NXN: variants seen among roughly 807,000 people sequenced by gnomAD.
NXN encodes the protein nucleoredoxin, also known as nucleoredoxin 1.
NXN carries 16 observed loss-of-function variants against 48.6 expected under a neutral mutation model. The ratio of observed to expected loss-of-function variants is 0.33; its 90% CI spans 0.22 to 0.50. The LOEUF (loss-of-function observed/expected upper bound fraction) is 0.50, where lower values mean the gene tolerates loss of function less well. NXN is among the 20% of genes least tolerant of loss of function. The probability of loss-of-function intolerance (pLI) is 0.98; values close to 1 mark genes in which losing one functional copy is unlikely to be tolerated. For missense variants in NXN, 492 were observed against 605.5 expected (o/e 0.81, Z 1.97); for synonymous variants, 281 against 269.6 (o/e 1.04, Z -0.41).
At chr17:977,894 G>T (rs1302141023) in intron 1 of NXN, among the ~76,000 whole-genome samples, 1 of 152,142 alleles carries the variant, frequency 6.6e-6, no homozygotes, top group Non-Finnish European at 1.5e-5. Context: ...AACCTAAAAA[G>T]CAGTAAAAAT....
intron 1 of NXN, among the ~76,000 whole-genome samples, chr17:971,509 G>GA: frequency 6.6e-6 from 1 of 151,696 alleles, no homozygotes; most frequent in Non-Finnish European, 1.5e-5. Context: ...AGGAGTTCAA[G>GA]ACCATCCTGG....
At chr17:802,411 G>A (rs994452718) in intron 7 of NXN, among the ~76,000 whole-genome samples, 1 of 152,200 alleles carries the variant, frequency 6.6e-6, no homozygotes, top group South Asian at 2.1e-4. Flanking sequence ...ACAGGACAGC[G>A]ACTACGTTCC....
rs947522991 is a variant in NXN at position 932,232 on chromosome 17, C to T, written c.360+47087G>A. The stretch of plus-strand genomic sequence containing the variant: ...CTAAGGCAAAGCTGATCTGAAGAGT[C>T]TGTCTACCTGCCCAGCTACCAACCC... On this transcript the variant is annotated intron_variant, in intron 1 of 7. Transcript: ENST00000336868. This position sits in a 1 kb window ranked among gnomAD's most constrained non-coding sequence, Gnocchi z 4.1. Among the ~76,000 whole-genome samples, 1 of 152,218 alleles carries T rather than the reference C, an allele frequency of 6.6e-6. No individual in the cohort carries two copies. Among genetic ancestry groups the T allele is most frequent in the Non-Finnish European group, 1.5e-5 (1 of 68,042 alleles).
chr17:804,258 G>C (rs1482556078), intron 6 of NXN, among the ~76,000 whole-genome samples: 1 of 149,030 alleles, frequency 6.7e-6, no homozygotes, highest in Non-Finnish European at 1.5e-5. Flanking sequence ...GGTGAGGACT[G>C]TGGTCTGGTC....
At chr17:948,659 G>A (rs1016306414) in intron 1 of NXN, among the ~76,000 whole-genome samples, 4 of 152,104 alleles carry the variant, frequency 2.6e-5, no homozygotes, top group South Asian at 2.1e-4. Flanking sequence ...CGGAACAAAC[G>A]CTTGAGGCAA....
chr17:974,527 GTGTATATTA>G (rs2069434675), intron 1 of NXN, among the ~76,000 whole-genome samples: 1 of 151,912 alleles, frequency 6.6e-6, no homozygotes, highest in Admixed American at 6.6e-5. Context: ...TGCCAGGCAC[GTGTATATTA>G]TCTCGCGTAG....
At chr17:842,709 G>A (rs933270548) in intron 1 of NXN, 10 of 267,286 alleles carry the variant, frequency 3.7e-5, no homozygotes, top group Admixed American at 6.5e-5. Flanking sequence ...AGGCTGAGGC[G>A]GGTGGATCAC....
In NXN at chr17:917,742, C is replaced by T. The variant is rs2068702951; in HGVS notation, c.360+61577G>A. ...CCCCAGGTTCCAGCCCTACAAGGGG[C>T]GCGTACTGGCACAACAGGCGGGCGT... On this transcript the variant is annotated intron_variant, in intron 1 of 7. Transcript: ENST00000336868. This position sits in a 1 kb window ranked among gnomAD's most constrained non-coding sequence, Gnocchi z 4.5. 1.3e-5 allele frequency among the ~76,000 whole-genome samples: 2 copies of T among 152,254 alleles called. No homozygotes were observed. Among genetic ancestry groups the T allele is most frequent in the South Asian group, 2.1e-4 (1 of 4,820 alleles).
intron 5 of NXN, among the ~76,000 whole-genome samples, chr17:812,942 A>G (rs1392259083): frequency 6.9e-6 from 1 of 145,412 alleles, no homozygotes; most frequent in Non-Finnish European, 1.5e-5. Flanking sequence ...GAGTGTGCAT[A>G]TGTGTGAGTG....
intron 5 of NXN, among the ~76,000 whole-genome samples, chr17:813,778 T>C (rs1371111833): frequency 2.8e-5 from 4 of 144,220 alleles, no homozygotes; most frequent in Non-Finnish European, 6.0e-5. Flanking sequence ...ACCAGCCTGG[T>C]CAAATGGAGA....
At chr17:805,531 C>A (rs1036855611) in intron 5 of NXN, among the ~76,000 whole-genome samples, 5 of 152,176 alleles carry the variant, frequency 3.3e-5, no homozygotes, top group African/African-American at 1.2e-4. Flanking sequence ...AGTGTGTTGT[C>A]GTTCCTACCT....
rs2069201711 is a variant in NXN at position 958,871 on chromosome 17, G to A, written c.360+20448C>T. On this transcript the variant is annotated intron_variant, in intron 1 of 7. Transcript: ENST00000336868. This position sits in a 1 kb window ranked among gnomAD's most constrained non-coding sequence, Gnocchi z 6.9. ...CGCTTGAGCCCAGGAGGTCAGGGCTGCAGTGAGTCATGATCACACTACTGT... is the reference window on the plus strand; with the variant it reads ...CGCTTGAGCCCAGGAGGTCAGGGCTACAGTGAGTCATGATCACACTACTGT... Among the ~76,000 whole-genome samples, 1 of 152,132 alleles carries A rather than the reference G, an allele frequency of 6.6e-6. No individual in the cohort carries two copies. The highest frequency in any genetic ancestry group is 2.1e-4 in the South Asian group (1 of 4,824).
chr17:806,020 C>T (rs935092420), intron 5 of NXN, among the ~76,000 whole-genome samples: 5 of 152,116 alleles, frequency 3.3e-5, no homozygotes, highest in Admixed American at 1.3e-4. Context: ...GACGGGTCCT[C>T]GCCCGGCCAC....
chr17:915,693 G>A (rs2068681531), intron 1 of NXN, among the ~76,000 whole-genome samples: 2 of 152,222 alleles, frequency 1.3e-5, no homozygotes, highest in South Asian at 4.1e-4. Flanking sequence ...GGATACCCCA[G>A]GGCTGGAAAC....
intron 6 of NXN, among the ~76,000 whole-genome samples, chr17:804,756 C>T (rs1033355351): frequency 7.9e-5 from 12 of 152,334 alleles, no homozygotes; most frequent in African/African-American, 2.6e-4. Flanking sequence ...CTGCAGCTGC[C>T]GTGTGTGCCA....
At chr17:847,160 G>A (rs1406870770) in intron 1 of NXN, among the ~76,000 whole-genome samples, 1 of 152,070 alleles carries the variant, frequency 6.6e-6, no homozygotes, top group South Asian at 2.1e-4. Flanking sequence ...GTCCCCCCGC[G>A]GAGCCACTAG....
intron 1 of NXN, among the ~76,000 whole-genome samples, chr17:892,887 T>C (rs921407954): frequency 6.6e-6 from 1 of 152,194 alleles, no homozygotes; most frequent in Non-Finnish European, 1.5e-5. Context: ...CTTCAGATAG[T>C]AACAATGTAC....
chr17:838,089 C>T (rs990358326), intron 1 of NXN, among the ~76,000 whole-genome samples: 2 of 148,642 alleles, frequency 1.3e-5, no homozygotes, highest in Admixed American at 6.7e-5. Flanking sequence ...TATTTTTCAT[C>T]TCTCTAAATC....
rs1374035270 is a variant in NXN, at chr17:919,460, A to G, written c.360+59859T>C. Among the ~76,000 whole-genome samples, 3 of 152,224 alleles carry G rather than the reference A, an allele frequency of 2.0e-5. No homozygotes were observed. The highest frequency in any genetic ancestry group is 7.2e-5 in the African/African-American group (3 of 41,472). ...CAGGGCAATCATTCCTTAAGATGCT[A>G]GAAAACGTGTTATTGTAACACGAGG... On this transcript the variant is annotated intron_variant, in intron 1 of 7. Transcript: ENST00000336868. This position sits in a 1 kb window ranked among gnomAD's most constrained non-coding sequence, Gnocchi z 5.1.
Sources: gnomAD v4.1 joint callset for allele counts (sites outside exome capture counted in the v4.1 genomes callset) on GRCh38, gnomAD v4.1.1 for gene constraint, Gnocchi (gnomAD v3.1) non-coding constraint, MANE v1.5 for transcripts, NCBI Gene and HGNC (gene_info 2026-07-23, HGNC 2026-07-21) for gene names.